The following CHD3 variants were observed in gnomAD, a reference collection of about 807,000 sequenced individuals.
CHD3 encodes chromodomain helicase DNA binding protein 3.
In CHD3, 52 loss-of-function variants were observed where a neutral mutation model predicts 248.9. The observed-to-expected ratio is 0.21, with a 90% confidence interval of 0.17 to 0.26. The LOEUF is 0.26. Among genes scored for constraint, CHD3 ranks in the 10% least tolerant of loss-of-function variants. The pLI, the probability that CHD3 is intolerant of heterozygous loss-of-function variation, is 1.00. For missense variants in CHD3, 1,482 were observed against 2,605.8 expected (o/e 0.57, Z 9.39); for synonymous variants, 985 against 985.2 (o/e 1.00, Z 0.00).
Position 7,897,306 on chromosome 17 carries a change from G to A in CHD3, c.1919+12G>A. 1 of 1,611,196 alleles carries A rather than the reference G, an allele frequency of 6.2e-7. No homozygotes were observed. Among genetic ancestry groups the A allele is most frequent in the Non-Finnish European group, 8.5e-7 (1 of 1,178,708 alleles). ...ATCATCAACCACAGGTGAATCCTCG[G>A]TCCCTGGGAAGTCAGACCTGGTATA... On this transcript the variant is annotated intron_variant, in intron 11 of 39. Transcript: ENST00000330494. The surrounding 1 kb of genome is among the most constrained non-coding windows in gnomAD (Gnocchi z 4.8).
Position 7,889,161 on chromosome 17 carries a change from C to T in CHD3, c.100+61C>T. 1 of 1,608,772 alleles carries T rather than the reference C, an allele frequency of 6.2e-7. No homozygotes were observed. The highest frequency in any genetic ancestry group is 1.3e-5 in the African/African-American group (1 of 74,904). On this transcript the variant is annotated intron_variant, in intron 1 of 39. Transcript: ENST00000330494. This position sits in a 1 kb window ranked among gnomAD's most constrained non-coding sequence, Gnocchi z 4.5. The stretch of plus-strand genomic sequence containing the variant: ...TCTTGGCAAAAGGATGTCAGGGCCC[C>T]AGGGTGTTAGTGTGAGAACCCAGGT...
chr17:7,891,211 A>C (rs1358372423), intron 4 of CHD3, 147 bp downstream of exon 4: 1 of 990,832 alleles, frequency 1.0e-6, no homozygotes, highest in African/African-American at 1.6e-5. Flanking sequence ...CATTTCAGGG[A>C]ACTCCTAGAC....
At position 7,899,642 on chromosome 17, in the gene CHD3, C is replaced by A; in HGVS notation, c.2544+99C>A. On this transcript the variant is annotated intron_variant, in intron 15 of 39. Coordinates refer to ENST00000330494, the MANE Select transcript of CHD3 (RefSeq NM_001005273.3). This position sits in a 1 kb window ranked among gnomAD's most constrained non-coding sequence, Gnocchi z 6.8. ...TCTCTATTCCCCTCCTCACCTTTCTCCTCTTCCTCCACCTGTCCTCCTGTC... is the reference window on the plus strand; with the variant it reads ...TCTCTATTCCCCTCCTCACCTTTCTACTCTTCCTCCACCTGTCCTCCTGTC... 8.0e-7 allele frequency: 1 copy of A among 1,257,554 alleles called. No homozygotes were observed. The highest frequency in any genetic ancestry group is 1.1e-6 in the Non-Finnish European group (1 of 886,646). The allele number at this position is 1,257,554 out of a possible 1,614,324, so 77.9% of individuals were successfully genotyped here. A position where few individuals can be genotyped will look rare whatever the true frequency, so the allele number is the denominator to read the frequency against.
rs1260267828 is a variant in CHD3 at position 7,905,047 on chromosome 17, T to G, written c.4073-53T>G. On this transcript the variant is annotated intron_variant, in intron 25 of 39. Transcript: ENST00000330494. The surrounding 1 kb of genome is among the most constrained non-coding windows in gnomAD (Gnocchi z 5.8). Reference sequence around the variant, plus strand: ...AATCCAGCCAGAAAGGGCCTCAGCATGGGCATATCCCGAGAGCCCTCCCTG... The same window carrying G: ...AATCCAGCCAGAAAGGGCCTCAGCAGGGGCATATCCCGAGAGCCCTCCCTG... 4 of 1,518,194 alleles carry G rather than the reference T, an allele frequency of 2.6e-6. No individual in the cohort carries two copies. The highest frequency in any genetic ancestry group is 3.7e-6 in the Non-Finnish European group (4 of 1,093,120). The allele number at this position is 1,518,194 out of a possible 1,614,324, so 94.0% of individuals were successfully genotyped here.
Position 7,906,365 on chromosome 17 carries a change from TG to T in CHD3, c.4359-184del. ...AAGGCCAAAGGGAAAGACCCAGGGG[TG>T]GGGCGCAGGGGGACAGTTAGGACTT... On this transcript the variant is annotated intron_variant, in intron 28 of 39. Transcript: ENST00000330494. The surrounding 1 kb of genome is among the most constrained non-coding windows in gnomAD (Gnocchi z 5.0). 2.9e-6 allele frequency: 2 copies of T among 685,482 alleles called. No homozygotes were observed. The highest frequency in any genetic ancestry group is 5.1e-6 in the Non-Finnish European group (2 of 390,746). 42.5% of individuals were successfully genotyped at this position (685,482 alleles called of 1,614,324 possible).
At position 7,904,308 on chromosome 17, in the gene CHD3, T is replaced by G. The variant is rs1306291385; in HGVS notation, c.3895-134T>G. 12 of 774,598 alleles carry G rather than the reference T, an allele frequency of 1.5e-5. No individual in the cohort carries two copies. Among genetic ancestry groups the G allele is most frequent in the South Asian group, 8.8e-5 (5 of 56,722 alleles). The allele number at this position is 774,598 out of a possible 1,614,324, so 48.0% of individuals were successfully genotyped here. A position where few individuals can be genotyped will look rare whatever the true frequency, so the allele number is the denominator to read the frequency against. On this transcript the variant is annotated intron_variant, in intron 24 of 39. Coordinates refer to ENST00000330494, the MANE Select transcript of CHD3 (RefSeq NM_001005273.3). This position sits in a 1 kb window ranked among gnomAD's most constrained non-coding sequence, Gnocchi z 4.4. ...TGGAACATGCGCAATGTCCAGAAAA[T>G]GTATGCAGAGCCACGAAGCTGCAGG...
chr17:7,911,691 C>A lies in CHD3; in HGVS notation c.*106C>A, dbSNP rs1308842419. 6.3e-7 allele frequency: 1 copy of A among 1,584,564 alleles called. No individual in the cohort carries two copies. Among genetic ancestry groups the A allele is most frequent in the East Asian group, 2.3e-5 (1 of 43,088 alleles). The stretch of plus-strand genomic sequence containing the variant: ...CCTCCACCTTCCCCACCCCTTGGGC[C>A]ATCACTGGGCTAGGAACCCCTTTGC... On this transcript the variant is annotated 3_prime_UTR_variant, in exon 40 of 40. Transcript: ENST00000330494. This position sits in a 1 kb window ranked among gnomAD's most constrained non-coding sequence, Gnocchi z 5.4.
At chr17:7,894,061 G>A in intron 6 of CHD3, 54 bp from the exon 7 acceptor site, 2 of 1,597,886 alleles carry the variant, frequency 1.3e-6, no homozygotes, top group South Asian at 2.2e-5. Flanking sequence ...CCAAAGGCCT[G>A]GGGAGGGCGT....
intron 3 of CHD3, 87 bp downstream of exon 3, chr17:7,890,828 G>T: frequency 1.9e-6 from 3 of 1,581,438 alleles, no homozygotes; most frequent in South Asian, 1.2e-5. Flanking sequence ...CTGGAGAATG[G>T]GGCAAGAAGC....
Position 7,904,249 on chromosome 17 carries a change from C to T in CHD3, c.3895-193C>T. 1 of 629,838 alleles carries T rather than the reference C, an allele frequency of 1.6e-6. No homozygotes were observed. The highest frequency in any genetic ancestry group is 4.3e-4 in the Middle Eastern group (1 of 2,318). 39.0% of individuals were successfully genotyped at this position (629,838 alleles called of 1,614,324 possible). A position where few individuals can be genotyped will look rare whatever the true frequency, so the allele number is the denominator to read the frequency against. ...GGGATTAGAGGAGAGATTTAGAAAA[C>T]ATGAGGAGAGCACATTGCAGGTAAG... is the stretch of plus-strand genomic sequence containing the variant. On this transcript the variant is annotated intron_variant, in intron 24 of 39. Coordinates refer to ENST00000330494, the MANE Select transcript of CHD3 (RefSeq NM_001005273.3). The surrounding 1 kb of genome is among the most constrained non-coding windows in gnomAD (Gnocchi z 4.4).
In CHD3 at chr17:7,910,866, A is replaced by G; in HGVS notation, c.5774A>G (p.Tyr1925Cys). ...HPTPAYPPGPYATPPGYGAAF... is the reference protein window; with the variant it reads ...HPTPAYPPGPCATPPGYGAAF... ...TTCCAGGCCTACCCGCCGGGTCCCTACGCTACACCTCCGGGGTACGGGGCG... is the reference window on the plus strand; with the variant it reads ...TTCCAGGCCTACCCGCCGGGTCCCTGCGCTACACCTCCGGGGTACGGGGCG... Residue 1925 changes from tyrosine to cysteine, a missense_variant, in exon 39 of 40, where the codon TAC becomes TGC. Transcript: ENST00000330494. The surrounding 1 kb of genome is among the most constrained non-coding windows in gnomAD (Gnocchi z 4.7). The G allele has an allele frequency of 2.5e-6, 4 of 1,609,644 alleles. No homozygotes were observed. Among genetic ancestry groups the G allele is most frequent in the Non-Finnish European group, 3.4e-6 (4 of 1,178,644 alleles).
upstream of CHD3, chr17:7,885,075 C>A: frequency 1.0e-6 from 1 of 987,704 alleles, no homozygotes; most frequent in Non-Finnish European, 1.2e-6. Flanking sequence ...CCGCCGCCCC[C>A]GCCGCCAGGT....
At position 7,905,049 on chromosome 17, in the gene CHD3, G is replaced by A. The variant is rs747520693; in HGVS notation, c.4073-51G>A. 1.0e-5 allele frequency: 16 copies of A among 1,525,188 alleles called. No homozygotes were observed. The highest frequency in any genetic ancestry group is 1.7e-5 in the Admixed American group (1 of 59,892). The allele number at this position is 1,525,188 out of a possible 1,614,324, so 94.5% of individuals were successfully genotyped here. A position where few individuals can be genotyped will look rare whatever the true frequency, so the allele number is the denominator to read the frequency against. ...TCCAGCCAGAAAGGGCCTCAGCATG[G>A]GCATATCCCGAGAGCCCTCCCTGAC... On this transcript the variant is annotated intron_variant, in intron 25 of 39. Transcript: ENST00000330494. The surrounding 1 kb of genome is among the most constrained non-coding windows in gnomAD (Gnocchi z 5.8).
chr17:7,889,907 C>T lies in CHD3; in HGVS notation c.213+131C>T. 3 of 785,230 alleles carry T rather than the reference C, an allele frequency of 3.8e-6. 1 individual carries two copies. Among genetic ancestry groups the T allele is most frequent in the South Asian group, 3.6e-5 (2 of 56,058 alleles). The allele number at this position is 785,230 out of a possible 1,614,324, so 48.6% of individuals were successfully genotyped here. A position where few individuals can be genotyped will look rare whatever the true frequency, so the allele number is the denominator to read the frequency against. On this transcript the variant is annotated intron_variant, in intron 2 of 39. Transcript: ENST00000330494. The surrounding 1 kb of genome is among the most constrained non-coding windows in gnomAD (Gnocchi z 4.5). ...AGCCAGGGAGGCTTGATCCCCCGGG[C>T]CCCCCACTTCCCTGCCACTGTTGGC... is the stretch of plus-strand genomic sequence containing the variant.
Position 7,909,111 on chromosome 17 carries a change from C to A in CHD3, c.5395-32C>A. 6.4e-7 allele frequency: 1 copy of A among 1,550,704 alleles called. No individual in the cohort carries two copies. The highest frequency in any genetic ancestry group is 1.4e-5 in the African/African-American group (1 of 73,154). On this transcript the variant is annotated intron_variant, in intron 36 of 39. Transcript: ENST00000330494. The surrounding 1 kb of genome is among the most constrained non-coding windows in gnomAD (Gnocchi z 8.1). ...GCCCCTCACCCACTGCTGGCAGAGC[C>A]CTACCTTCACCTCCCAACTCTGTGC...
chr17:7,886,376 G>A (rs1967950879), upstream of CHD3, among the ~76,000 whole-genome samples: 1 of 152,200 alleles, frequency 6.6e-6, no homozygotes, highest in Admixed American at 6.5e-5. The surrounding 1 kb of genome is among the most constrained non-coding windows in gnomAD (Gnocchi z 4.2). Context: ...GGGAACAGCA[G>A]GGGGACCTCC....
chr17:7,905,586 G>A lies in CHD3; in HGVS notation c.4139-35G>A. On this transcript the variant is annotated intron_variant, in intron 26 of 39. Transcript: ENST00000330494. The surrounding 1 kb of genome is among the most constrained non-coding windows in gnomAD (Gnocchi z 5.8). ...GGAGGACTGAGGCTTAGAGGAGGTG[G>A]TGGCTCAGCTAACTGATGTCATCCC... is the stretch of plus-strand genomic sequence containing the variant. 6.7e-7 allele frequency: 1 copy of A among 1,502,620 alleles called. No homozygotes were observed. Among genetic ancestry groups the A allele is most frequent in the Non-Finnish European group, 9.0e-7 (1 of 1,107,774 alleles). 93.1% of individuals were successfully genotyped at this position (1,502,620 alleles called of 1,614,324 possible). A position where few individuals can be genotyped will look rare whatever the true frequency, so the allele number is the denominator to read the frequency against.
In CHD3 at chr17:7,904,275, AGAT is replaced by A; in HGVS notation, c.3895-165_3895-163del. The A allele has an allele frequency of 1.5e-6, 1 of 653,460 alleles. No homozygotes were observed. Among genetic ancestry groups the A allele is most frequent in the South Asian group, 1.9e-5 (1 of 51,344 alleles). 40.5% of individuals were successfully genotyped at this position (653,460 alleles called of 1,614,324 possible). A position where few individuals can be genotyped will look rare whatever the true frequency, so the allele number is the denominator to read the frequency against. On this transcript the variant is annotated intron_variant, in intron 24 of 39. Coordinates refer to ENST00000330494, the MANE Select transcript of CHD3 (RefSeq NM_001005273.3). The surrounding 1 kb of genome is among the most constrained non-coding windows in gnomAD (Gnocchi z 4.4). Reference sequence around the variant, plus strand: ...ATGAGGAGAGCACATTGCAGGTAAGAGATGGCATGGAACATGCGCAATGTCCAG... The same window carrying A: ...ATGAGGAGAGCACATTGCAGGTAAGAGGCATGGAACATGCGCAATGTCCAG...
chr17:7,902,753 T>C, intron 21 of CHD3, 26 bp downstream of exon 21: 2 of 1,601,630 alleles, frequency 1.2e-6, no homozygotes, highest in Admixed American at 3.4e-5. Context: ...TGGTCCCTGG[T>C]GGGTGTGGGA....
Sources: gnomAD v4.1 joint callset for allele counts (sites outside exome capture counted in the v4.1 genomes callset) on GRCh38, gnomAD v4.1.1 for gene constraint, Gnocchi (gnomAD v3.1) non-coding constraint, MANE v1.5 for transcripts, NCBI Gene and HGNC (gene_info 2026-07-23, HGNC 2026-07-21) for gene names.